RAD52: variants seen among roughly 807,000 people sequenced by gnomAD.
RAD52 encodes the protein DNA repair protein RAD52 homolog.
In RAD52, 47 loss-of-function variants were observed where a neutral mutation model predicts 55.5. The ratio of observed to expected loss-of-function variants is 0.85; its 90% CI spans 0.67 to 1.08. The LOEUF (loss-of-function observed/expected upper bound fraction) is 1.08. RAD52 is among the 50% of genes least tolerant of loss of function. The probability of loss-of-function intolerance (pLI) is 0.00; values close to 1 mark genes in which losing one functional copy is unlikely to be tolerated. For synonymous variants in RAD52, 184 were observed against 198.9 expected (o/e 0.92, Z 0.63); for missense variants, 468 against 522.8 (o/e 0.90, Z 1.02).
At chr12:976,290 A>G (rs1391374887) in intron 1 of RAD52, 1 of 152,388 alleles carries the variant, frequency 6.6e-6, no homozygotes, top group African/African-American at 2.4e-5. Context: ...ACTGCACTCC[A>G]GCCTGGGCGA....
chr12:949,450 G>T (rs960607343), intron 1 of RAD52, 152 bp downstream of exon 1: 1 of 152,234 alleles, frequency 6.6e-6, no homozygotes, highest in Non-Finnish European at 1.5e-5. Flanking sequence ...TGGTGAACTA[G>T]AACAGGCCTC....
intron 1 of RAD52, among the ~76,000 whole-genome samples, chr12:941,254 T>C (rs1957903839): frequency 6.6e-6 from 1 of 152,108 alleles, no homozygotes; most frequent in Non-Finnish European, 1.5e-5. Context: ...AAGAAACATA[T>C]CTAGAAATCA....
chr12:915,645 G>A (rs562886479), intron 9 of RAD52, among the ~76,000 whole-genome samples: 1 of 152,218 alleles, frequency 6.6e-6, no homozygotes, highest in South Asian at 2.1e-4. Flanking sequence ...TCTGCCAAAA[G>A]TTCCCGTTAT....
At chr12:915,279 T>G (rs1956296975) in intron 9 of RAD52, among the ~76,000 whole-genome samples, 1 of 152,186 alleles carries the variant, frequency 6.6e-6, no homozygotes, top group Non-Finnish European at 1.5e-5. Context: ...TCTGCAATGG[T>G]TAAGAAGCTA....
chr12:936,174 C>T lies in RAD52; in HGVS notation c.-18-3098G>A, dbSNP rs538301154. On this transcript the variant is annotated intron_variant, in intron 1 of 11. Transcript: ENST00000358495. ...CAAAACTTAGCCAGATGCAGTGGCG[C>T]GTGCCTGTAGTCCCAGCTACTCGGG... Among the ~76,000 whole-genome samples the T allele has an allele frequency of 4.3e-4, 66 of 151,924 alleles. 1 individual carries two copies. Among genetic ancestry groups the T allele is most frequent in the African/African-American group, 1.3e-3 (52 of 41,496 alleles).
chr12:988,055 G>C (rs7972852), intron 1 of RAD52, among the ~76,000 whole-genome samples: 144,830 of 152,238 alleles, frequency 0.95, 69,272 homozygotes, highest in East Asian at 1. Context: ...TCACTGCTCC[G>C]TTGACCTCCC....
chr12:913,740 C>G (rs1199685571), intron 11 of RAD52, among the ~76,000 whole-genome samples, 154 bp downstream of exon 11: 1 of 152,186 alleles, frequency 6.6e-6, no homozygotes, highest in African/African-American at 2.4e-5. Context: ...CGTTCTGGCT[C>G]TTAAATCAAT....
chr12:960,970 T>A (rs1958674266), intron 1 of RAD52, among the ~76,000 whole-genome samples: 2 of 151,266 alleles, frequency 1.3e-5, no homozygotes, highest in South Asian at 4.2e-4. Context: ...CAACACTGAG[T>A]CCTGAGCACT....
chr12:983,820 C>T (rs910689631), intron 1 of RAD52, among the ~76,000 whole-genome samples: 1 of 152,174 alleles, frequency 6.6e-6, no homozygotes. Context: ...GGGTTAGATA[C>T]CATTCTTATG....
At chr12:940,731 C>A (rs761023725) in intron 1 of RAD52, among the ~76,000 whole-genome samples, 29 of 152,050 alleles carry the variant, frequency 1.9e-4, no homozygotes, top group Admixed American at 1.6e-3. Flanking sequence ...GACAAAAAAG[C>A]CTTCTAGTAG....
At chr12:985,273 T>C (rs1222278081) in intron 1 of RAD52, among the ~76,000 whole-genome samples, 4 of 152,210 alleles carry the variant, frequency 2.6e-5, no homozygotes, top group Non-Finnish European at 5.9e-5. Context: ...CACAAGTAGC[T>C]GGGACTATGG....
chr12:979,539 GTCTC>G (rs149039045), intron 1 of RAD52, among the ~76,000 whole-genome samples: 20 of 150,212 alleles, frequency 1.3e-4, no homozygotes, highest in African/African-American at 3.2e-4. Flanking sequence ...CACATGTGCC[GTCTC>G]TCTCTCTCTC....
intron 1 of RAD52, among the ~76,000 whole-genome samples, chr12:960,963 C>A (rs1163770077): frequency 6.6e-6 from 1 of 151,898 alleles, no homozygotes; most frequent in South Asian, 2.1e-4. Context: ...GGAGCCCCAA[C>A]ACTGAGTCCT....
intron 1 of RAD52, among the ~76,000 whole-genome samples, chr12:948,417 A>T (rs1028592945): frequency 2.0e-5 from 3 of 152,314 alleles, no homozygotes; most frequent in East Asian, 3.9e-4. Context: ...GGGTGAATTT[A>T]GACTGGGTGT....
At chr12:938,224 C>G (rs774181754) in intron 1 of RAD52, among the ~76,000 whole-genome samples, 1 of 152,170 alleles carries the variant, frequency 6.6e-6, no homozygotes, top group African/African-American at 2.4e-5. Context: ...TCCTGATGGA[C>G]GCACTAAGAA....
chr12:980,486 G>T lies in RAD52; in HGVS notation c.-19+9323C>A, dbSNP rs1320530855. 2.6e-5 allele frequency among the ~76,000 whole-genome samples: 4 copies of T among 151,554 alleles called. No homozygotes were observed. In the East Asian group the frequency reaches 7.8e-4, roughly 29 times the overall value. ...TTTTTGTATTTTTAGTAGAGACGAGGTTGCACCATGTTGGCCAGGCTGGTC... is the reference window on the plus strand; with the variant it reads ...TTTTTGTATTTTTAGTAGAGACGAGTTTGCACCATGTTGGCCAGGCTGGTC... On this transcript the variant is annotated intron_variant, in intron 1 of 11. Transcript: ENST00000430095.
At chr12:918,099 A>C (rs1002608321) in intron 7 of RAD52, among the ~76,000 whole-genome samples, 2 of 152,212 alleles carry the variant, frequency 1.3e-5, no homozygotes, top group African/African-American at 4.8e-5. Flanking sequence ...ACACGTACCT[A>C]TCTTCTCCCC....
At chr12:990,184 A>G (rs1236586726), upstream of RAD52, 2 of 152,210 alleles carry the variant, frequency 1.3e-5, no homozygotes, top group African/African-American at 4.8e-5. Context: ...GGCGGAGGTA[A>G]GCAGGAGTAA....
chr12:917,844 CA>C (rs1473278099), intron 7 of RAD52, among the ~76,000 whole-genome samples: 2 of 3,004 alleles, frequency 6.7e-4, no homozygotes, highest in South Asian at 0.083. Flanking sequence ...GAGGCTGAGG[CA>C]GGGAGAATCA....
Sources: allele counts gnomAD v4.1 joint callset (sites outside exome capture counted in the v4.1 genomes callset), GRCh38; gene constraint gnomAD v4.1.1; transcripts MANE v1.5; gene names NCBI Gene and HGNC (gene_info 2026-07-23, HGNC 2026-07-21).